ASAP1: variants seen among roughly 807,000 people sequenced by gnomAD.
ASAP1 encodes the protein arf-GAP with SH3 domain, ANK repeat and PH domain-containing protein 1.
ASAP1 carries 43 observed loss-of-function variants against 145.2 expected under a neutral mutation model. The observed-to-expected ratio is 0.30, with a 90% CI of 0.23 to 0.38. ASAP1 has a LOEUF of 0.38. Among genes scored for constraint, ASAP1 ranks in the 10% least tolerant of loss-of-function variants. The probability of loss-of-function intolerance (pLI) is 1.00; values close to 1 mark genes in which losing one functional copy is unlikely to be tolerated. For missense variants in ASAP1, 1,018 were observed against 1,355.3 expected, an observed-to-expected ratio of 0.75 and a Z score of 3.91; for synonymous variants, 546 against 515.5, an observed-to-expected ratio of 1.06 and a Z score of -0.80.
At chr8:130,220,921 A>G (rs1817254404) in intron 4 of ASAP1, among the ~76,000 whole-genome samples, 2 of 152,174 alleles carry the variant, frequency 1.3e-5, no homozygotes, top group African/African-American at 4.8e-5. Flanking sequence ...CTCAGTCACT[A>G]TGATGAGAAC....
intron 3 of ASAP1, among the ~76,000 whole-genome samples, chr8:130,274,911 G>T (rs1343405980): frequency 6.6e-6 from 1 of 152,122 alleles, no homozygotes; most frequent in African/African-American, 2.4e-5. Flanking sequence ...ACCTCTCTTC[G>T]CTTTTCCTCA....
intron 3 of ASAP1, among the ~76,000 whole-genome samples, chr8:130,329,805 A>G (rs1417675217): frequency 6.6e-6 from 1 of 152,238 alleles, no homozygotes; most frequent in Non-Finnish European, 1.5e-5. Context: ...GCAGCCTCAG[A>G]TGGCACCATT....
intron 12 of ASAP1, among the ~76,000 whole-genome samples, chr8:130,154,839 A>C (rs1712757234): frequency 1.3e-5 from 2 of 152,224 alleles, no homozygotes; most frequent in Admixed American, 1.3e-4. Context: ...TTAACTACTA[A>C]TTGATAAACC....
chr8:130,208,547 T>C lies in ASAP1; in HGVS notation c.405+6009A>G, dbSNP rs933812740. 6.1e-5 allele frequency: 9 copies of C among 147,630 alleles called. No individual in the cohort carries two copies. In the South Asian group the frequency reaches 1.1e-3, roughly 18 times the overall value. 9.1% of individuals were successfully genotyped at this position (147,630 alleles called of 1,614,324 possible). A position where few individuals can be genotyped will look rare whatever the true frequency, so the allele number is the denominator to read the frequency against. The stretch of plus-strand genomic sequence containing the variant: ...ATTTAAAGTCACTCTTTTAGGGAAC[T>C]TTTTTTTTTTCACTTTAAGGCAATA... On this transcript the variant is annotated intron_variant, in intron 5 of 29. Transcript: ENST00000518721.
At chr8:130,069,643 A>C (rs150687560) in intron 27 of ASAP1, 1 of 152,320 alleles carries the variant, frequency 6.6e-6, no homozygotes, top group Non-Finnish European at 1.5e-5. Flanking sequence ...TGTGCTGCCG[A>C]AGTGAGCACA....
At chr8:130,402,738 A>G (rs1586981252) in intron 1 of ASAP1, among the ~76,000 whole-genome samples, 1 of 151,784 alleles carries the variant, frequency 6.6e-6, no homozygotes, top group Non-Finnish European at 1.5e-5. Flanking sequence ...ATTCATGTCT[A>G]CTTTACTTCC....
intron 15 of ASAP1, among the ~76,000 whole-genome samples, 167 bp from the exon 16 acceptor site, chr8:130,128,257 A>T (rs2097578239): frequency 1.3e-5 from 2 of 152,028 alleles, no homozygotes; most frequent in South Asian, 4.2e-4. Flanking sequence ...AAAACAAAGA[A>T]ATCAAACTTG....
chr8:130,209,945 T>C (rs560389539), intron 5 of ASAP1, among the ~76,000 whole-genome samples: 14 of 152,208 alleles, frequency 9.2e-5, no homozygotes, highest in Non-Finnish European at 1.9e-4. Flanking sequence ...GAGCTTTCAG[T>C]GGAAGCTAAA....
At chr8:130,321,947 A>G (rs982552316) in intron 3 of ASAP1, among the ~76,000 whole-genome samples, 1 of 152,250 alleles carries the variant, frequency 6.6e-6, no homozygotes, top group African/African-American at 2.4e-5. Context: ...ACAGATGGTA[A>G]AAAGATAGAT....
intron 9 of ASAP1, among the ~76,000 whole-genome samples, chr8:130,175,233 C>A (rs1813872429): frequency 6.6e-6 from 1 of 151,934 alleles, no homozygotes; most frequent in Non-Finnish European, 1.5e-5. Flanking sequence ...TGTGTGTGTA[C>A]AATTTTTTTA....
intron 1 of ASAP1, among the ~76,000 whole-genome samples, chr8:130,432,739 T>C (rs1830180544): frequency 6.6e-6 from 1 of 152,122 alleles, no homozygotes; most frequent in Non-Finnish European, 1.5e-5. Flanking sequence ...TTTTTCTTCC[T>C]ACATGTCTCT....
At chr8:130,305,127 C>A (rs192428238) in intron 3 of ASAP1, among the ~76,000 whole-genome samples, 1 of 152,282 alleles carries the variant, frequency 6.6e-6, no homozygotes, top group South Asian at 2.1e-4. Flanking sequence ...CATGAAGTCT[C>A]CCCTCCTGCT....
intron 2 of ASAP1, 118 bp downstream of exon 2, chr8:130,401,767 T>C (rs1828806970): frequency 1.5e-5 from 13 of 889,690 alleles, no homozygotes; most frequent in Non-Finnish European, 2.3e-5. Context: ...GTGCACACAG[T>C]CTCTGTTAGA....
intron 1 of ASAP1, among the ~76,000 whole-genome samples, chr8:130,432,406 T>A (rs1169007542): frequency 1.3e-5 from 2 of 152,144 alleles, no homozygotes; most frequent in African/African-American, 2.4e-5. Context: ...AGGTTCTTCA[T>A]TTTGGAAGAG....
intron 4 of ASAP1, among the ~76,000 whole-genome samples, chr8:130,224,597 T>A (rs1384221841): frequency 1.3e-5 from 2 of 151,870 alleles, no homozygotes; most frequent in East Asian, 1.9e-4. Context: ...TTCTCCCTTT[T>A]AAAAAAAATA....
chr8:130,160,001 A>C, intron 11 of ASAP1, 37 bp from the exon 12 acceptor site: 1 of 1,540,874 alleles, frequency 6.5e-7, no homozygotes, highest in East Asian at 2.2e-5. Flanking sequence ...CAAAAACTAG[A>C]GACAATTCTC....
chr8:130,139,547 G>A (rs1025295411), intron 13 of ASAP1, among the ~76,000 whole-genome samples: 4 of 151,322 alleles, frequency 2.6e-5, no homozygotes, highest in African/African-American at 9.7e-5. Flanking sequence ...CCAACGTGGC[G>A]AAACCCCGTT....
rs537002414 is a variant in ASAP1 at position 130,131,158 on chromosome 8, A to G, written c.1218-3068T>C. Among the ~76,000 whole-genome samples, 3 of 84,298 alleles carry G rather than the reference A, an allele frequency of 3.6e-5. No individual in the cohort carries two copies. In the Admixed American group the frequency reaches 4.8e-4, roughly 13 times the overall value. The allele number at this position is 84,298 out of a possible 152,430, so 55.3% of individuals were successfully genotyped here. A position where few individuals can be genotyped will look rare whatever the true frequency, so the allele number is the denominator to read the frequency against. Reference sequence around the variant, plus strand: ...GGCGACAGAGCAAGACTCTGAAAACAAACAAACAAACAAACAAACAAACAA... The same window carrying G: ...GGCGACAGAGCAAGACTCTGAAAACGAACAAACAAACAAACAAACAAACAA... On this transcript the variant is annotated intron_variant, in intron 15 of 29. Transcript: ENST00000518721.
intron 14 of ASAP1, among the ~76,000 whole-genome samples, chr8:130,135,428 T>C (rs1300103617): frequency 6.6e-6 from 1 of 152,054 alleles, no homozygotes; most frequent in Non-Finnish European, 1.5e-5. Flanking sequence ...GAGGCTGCAG[T>C]GAGCTGCGAC....
Sources: allele counts gnomAD v4.1 joint callset (sites outside exome capture counted in the v4.1 genomes callset), GRCh38; gene constraint gnomAD v4.1.1; transcripts MANE v1.5; gene names NCBI Gene and HGNC (gene_info 2026-07-23, HGNC 2026-07-21).